APBA1: variants seen among roughly 807,000 people sequenced by gnomAD.
The protein encoded by APBA1 is amyloid-beta A4 precursor protein-binding family A member 1.
In APBA1, 55 loss-of-function variants were observed where a neutral mutation model predicts 86.6. The ratio of observed to expected loss-of-function variants is 0.64; its 90% CI spans 0.51 to 0.80. APBA1 has a LOEUF of 0.80. Among genes scored for constraint, APBA1 ranks in the 30% least tolerant of loss-of-function variants. The pLI is 0.00. For missense variants in APBA1, 1,090 were observed against 1,183.0 expected (o/e 0.92, Z 1.15); for synonymous variants, 511 against 493.9 (o/e 1.03, Z -0.46).
intron 2 of APBA1, among the ~76,000 whole-genome samples, chr9:69,483,155 A>G (rs1164064694): frequency 1.1e-4 from 16 of 149,884 alleles, no homozygotes; most frequent in Non-Finnish European, 7.4e-5. Context: ...AAAAAAACGA[A>G]ACAAAAAAAA....
intron 1 of APBA1, among the ~76,000 whole-genome samples, chr9:69,583,060 C>T (rs938166354): frequency 2.0e-5 from 3 of 152,160 alleles, no homozygotes; most frequent in African/African-American, 7.2e-5. Flanking sequence ...GAGATCTGTT[C>T]TTTGTCTATG....
chr9:69,661,804 C>G (rs1330337), intron 1 of APBA1, among the ~76,000 whole-genome samples: 22,196 of 151,860 alleles, frequency 0.15, 2,317 homozygotes, highest in African/African-American at 0.29. Context: ...TTTTTCTCTC[C>G]TTTCCTCTTT....
chr9:69,445,625 G>A (rs1834894684), intron 10 of APBA1, among the ~76,000 whole-genome samples: 1 of 152,164 alleles, frequency 6.6e-6, no homozygotes, highest in Admixed American at 6.5e-5. Flanking sequence ...CAGAGGGCAG[G>A]ACCACAGAGG....
chr9:69,649,319 A>C (rs1823451762), intron 1 of APBA1, among the ~76,000 whole-genome samples: 2 of 152,158 alleles, frequency 1.3e-5, no homozygotes, highest in Non-Finnish European at 2.9e-5. Flanking sequence ...TATTCTCAGA[A>C]TAAAGAACAA....
intron 5 of APBA1, among the ~76,000 whole-genome samples, chr9:69,466,961 T>C (rs1564042371): frequency 6.6e-6 from 1 of 152,220 alleles, no homozygotes; most frequent in Non-Finnish European, 1.5e-5. Flanking sequence ...ACCATGATGC[T>C]GTCCCTAGGG....
chr9:69,504,685 T>G (rs1029678282), intron 2 of APBA1, among the ~76,000 whole-genome samples: 2 of 151,994 alleles, frequency 1.3e-5, no homozygotes, highest in Admixed American at 6.6e-5. Context: ...GTGGGTTGGA[T>G]TCTAAGCCTG....
intron 1 of APBA1, among the ~76,000 whole-genome samples, chr9:69,558,942 T>A (rs150649562): frequency 6.6e-6 from 1 of 152,324 alleles, no homozygotes; most frequent in East Asian, 1.9e-4. Flanking sequence ...TTAGAAGGCT[T>A]TAACTCCAAT....
intron 2 of APBA1, among the ~76,000 whole-genome samples, chr9:69,502,499 G>GTAAAATCAT (rs1225328750): frequency 6.6e-6 from 1 of 151,910 alleles, no homozygotes; most frequent in African/African-American, 2.4e-5. Flanking sequence ...AGGTGTACCA[G>GTAAAATCAT]TAAAATCATT....
intron 11 of APBA1, among the ~76,000 whole-genome samples, chr9:69,439,970 G>A (rs563851062): frequency 6.6e-6 from 1 of 152,250 alleles, no homozygotes; most frequent in South Asian, 2.1e-4. Flanking sequence ...TGGTTTGGAT[G>A]TCCTTTCTGT....
At chr9:69,587,760 C>G (rs756288999) in intron 1 of APBA1, among the ~76,000 whole-genome samples, 6 of 152,082 alleles carry the variant, frequency 3.9e-5, no homozygotes, top group Admixed American at 1.3e-4. Context: ...CGTGGTGGCT[C>G]AAGCCTGTAA....
At chr9:69,441,885 G>C (rs186538715) in intron 10 of APBA1, among the ~76,000 whole-genome samples, 1 of 152,368 alleles carries the variant, frequency 6.6e-6, no homozygotes, top group East Asian at 1.9e-4. Flanking sequence ...TAGTTTCAGA[G>C]ACTATGTAGA....
intron 2 of APBA1, among the ~76,000 whole-genome samples, chr9:69,481,953 C>T (rs1835517954): frequency 6.6e-6 from 1 of 151,000 alleles, no homozygotes; most frequent in Non-Finnish European, 1.5e-5. Flanking sequence ...TTCCTTACAC[C>T]TTATACAAAA....
chr9:69,528,083 G>A lies in APBA1; in HGVS notation c.-69-10804C>T, dbSNP rs538044022. On this transcript the variant is annotated intron_variant, in intron 1 of 12. Coordinates refer to ENST00000265381, the MANE Select transcript of APBA1 (RefSeq NM_001163.4). ...AAAAGATGGCTTTAAAAATTGCTTT[G>A]GCTAGTGGCCACATCTTTAATATAA... is the stretch of plus-strand genomic sequence containing the variant. Among the ~76,000 whole-genome samples, 27 of 152,182 alleles carry A rather than the reference G, an allele frequency of 1.8e-4. No individual in the cohort carries two copies. In the East Asian group the frequency reaches 3.5e-3, roughly 20 times the overall value.
chr9:69,530,590 G>A (rs927258616), intron 1 of APBA1, among the ~76,000 whole-genome samples: 2 of 152,002 alleles, frequency 1.3e-5, no homozygotes, highest in African/African-American at 2.4e-5. Flanking sequence ...TAAAGGTGAC[G>A]GTTGAAAACC....
chr9:69,544,266 G>A (rs934169315), intron 1 of APBA1, among the ~76,000 whole-genome samples: 2 of 152,200 alleles, frequency 1.3e-5, no homozygotes, highest in Admixed American at 1.3e-4. Flanking sequence ...CAAATTACAA[G>A]TCATGCTTAA....
In APBA1 at chr9:69,428,829, G is replaced by A. The variant is rs917560596; in HGVS notation, c.*2498C>T. ...CACTTCAGCTGGGTGGACCTGTACC[G>A]AGCTCCAGCAACTTCCACTCACTGG... On this transcript the variant is annotated 3_prime_UTR_variant, in exon 13 of 13. Coordinates refer to ENST00000265381, the MANE Select transcript of APBA1 (RefSeq NM_001163.4). 5 of 152,252 alleles carry A rather than the reference G, an allele frequency of 3.3e-5. No individual in the cohort carries two copies. The highest frequency in any genetic ancestry group is 1.9e-4 in the East Asian group (1 of 5,174). The allele number at this position is 152,252 out of a possible 1,614,324, so 9.4% of individuals were successfully genotyped here. A position where few individuals can be genotyped will look rare whatever the true frequency, so the allele number is the denominator to read the frequency against.
chr9:69,658,222 C>CTTTCTT (rs1353669828), intron 1 of APBA1, among the ~76,000 whole-genome samples: 16 of 104,302 alleles, frequency 1.5e-4, no homozygotes, highest in African/African-American at 5.0e-4. Context: ...AGTCCTTTCT[C>CTTTCTT]TCTTTCTTTC....
chr9:69,523,518 T>TATAC (rs1564066211), intron 1 of APBA1, among the ~76,000 whole-genome samples: 9 of 40,594 alleles, frequency 2.2e-4, no homozygotes, highest in African/African-American at 6.0e-4. Flanking sequence ...TATATATATA[T>TATAC]ATATATATAT....
At chr9:69,588,062 C>T (rs983875983) in intron 1 of APBA1, among the ~76,000 whole-genome samples, 6 of 145,242 alleles carry the variant, frequency 4.1e-5, no homozygotes, top group African/African-American at 1.5e-4. Flanking sequence ...AAGAAAGAAA[C>T]TGGGTGGTGG....
Sources: gnomAD v4.1 joint callset for allele counts (sites outside exome capture counted in the v4.1 genomes callset) on GRCh38, gnomAD v4.1.1 for gene constraint, MANE v1.5 for transcripts, NCBI Gene and HGNC (gene_info 2026-07-23, HGNC 2026-07-21) for gene names.